ZBTB40: variants seen among roughly 807,000 people sequenced by gnomAD.
ZBTB40 encodes zinc finger and BTB domain containing 40.
Under a neutral mutation model 117.5 loss-of-function variants are expected in ZBTB40, and 60 were observed. The ratio of observed to expected loss-of-function variants is 0.51; its 90% CI spans 0.41 to 0.63. The LOEUF (loss-of-function observed/expected upper bound fraction) is 0.63. ZBTB40 is among the 30% of genes least tolerant of loss of function. The probability of loss-of-function intolerance (pLI) is 0.00; values close to 1 mark genes in which losing one functional copy is unlikely to be tolerated. For synonymous variants in ZBTB40, 525 were observed against 577.1 expected (o/e 0.91, Z 1.29); for missense variants, 1,287 against 1,498.5 (o/e 0.86, Z 2.33).
intron 1 of ZBTB40, among the ~76,000 whole-genome samples, chr1:22,453,675 G>A (rs575539160): frequency 1.3e-5 from 2 of 152,204 alleles, no homozygotes; most frequent in East Asian, 3.9e-4. Context: ...ACCATTTTAC[G>A]CATAGAGGAA....
chr1:22,490,647 T>C lies in ZBTB40; in HGVS notation c.697+2T>C. 6.2e-7 allele frequency: 1 copy of C among 1,612,592 alleles called. No individual in the cohort carries two copies. The highest frequency in any genetic ancestry group is 2.2e-5 in the East Asian group (1 of 44,884). On this transcript the variant is annotated splice_donor_variant, in intron 2 of 17. Coordinates refer to ENST00000375647, the MANE Select transcript of ZBTB40 (RefSeq NM_014870.4). LOFTEE classifies it high-confidence loss of function. ...CAAAGAAGACAAGCACAGAACCAGG[T>C]AACAGTCATTGTTTTATATTCCATC... is the stretch of plus-strand genomic sequence containing the variant.
At chr1:22,517,668 C>T (rs1481363709) in intron 13 of ZBTB40, 13 of 632,612 alleles carry the variant, frequency 2.1e-5, no homozygotes, top group Non-Finnish European at 3.1e-5. Flanking sequence ...GCTTATTTCT[C>T]TCTGGCCAGG....
In ZBTB40 at chr1:22,437,424, CT is replaced by C. The variant is rs755956667; in HGVS notation, c.-70+8424del. Among the ~76,000 whole-genome samples, 295 of 141,056 alleles carry C rather than the reference CT, an allele frequency of 2.1e-3. 3 individuals are homozygous for C. The highest frequency in any genetic ancestry group is 3.5e-3 in the Middle Eastern group (1 of 282). 92.5% of individuals were successfully genotyped at this position (141,056 alleles called of 152,430 possible). A position where few individuals can be genotyped will look rare whatever the true frequency, so the allele number is the denominator to read the frequency against. Reference sequence around the variant, plus strand: ...AAAATAATACCATAAAACTTATCATCTTTTTTTTTTTTTTGAGATGGAGTCT... The same window carrying C: ...AAAATAATACCATAAAACTTATCATCTTTTTTTTTTTTTGAGATGGAGTCT... On this transcript the variant is annotated intron_variant, in intron 1 of 8. Transcript: ENST00000650433.
chr1:22,460,037 A>G (rs1215372927), intron 1 of ZBTB40, among the ~76,000 whole-genome samples: 1 of 152,204 alleles, frequency 6.6e-6, no homozygotes, highest in East Asian at 1.9e-4. Context: ...AACATTTTGC[A>G]TGCGACTTCA....
chr1:22,501,781 A>G (rs983232319), intron 4 of ZBTB40, 97 bp downstream of exon 4: 2 of 1,358,396 alleles, frequency 1.5e-6, no homozygotes, highest in Non-Finnish European at 2.0e-6. Context: ...TGGCTTAGTT[A>G]TTAAGTGGTT....
At position 22,513,223 on chromosome 1, in the gene ZBTB40, A is replaced by G; in HGVS notation, c.2668+93A>G. 1 of 1,390,182 alleles carries G rather than the reference A, an allele frequency of 7.2e-7. No individual in the cohort carries two copies. Among genetic ancestry groups the G allele is most frequent in the South Asian group, 1.2e-5 (1 of 80,540 alleles). 86.1% of individuals were successfully genotyped at this position (1,390,182 alleles called of 1,614,324 possible). A position where few individuals can be genotyped will look rare whatever the true frequency, so the allele number is the denominator to read the frequency against. ...TAGGTGTGATATATATCTCAAAAAC[A>G]AAACAATTTGATAGCACAACAGGGT... On this transcript the variant is annotated intron_variant, in intron 12 of 17. Coordinates refer to ENST00000375647, the MANE Select transcript of ZBTB40 (RefSeq NM_014870.4). The surrounding 1 kb of genome is among the most constrained non-coding windows in gnomAD (Gnocchi z 4.9).
At position 22,530,760 on chromosome 1, in the gene ZBTB40, T is replaced by C. The variant is rs1408194389; in HGVS notation, c.*4364T>C. ...TGCTTTCTCTTTGGTTCTGGGCCAGTGTCAGACGGGGACAGGGGTGATAGG... is the reference window on the plus strand; with the variant it reads ...TGCTTTCTCTTTGGTTCTGGGCCAGCGTCAGACGGGGACAGGGGTGATAGG... On this transcript the variant is annotated 3_prime_UTR_variant, in exon 18 of 18. Coordinates refer to ENST00000375647, the MANE Select transcript of ZBTB40 (RefSeq NM_014870.4). 6.6e-6 allele frequency: 1 copy of C among 152,342 alleles called. No homozygotes were observed. The allele number at this position is 152,342 out of a possible 1,614,324, so 9.4% of individuals were successfully genotyped here.
intron 1 of ZBTB40, chr1:22,452,852 A>C: frequency 6.6e-6 from 1 of 152,328 alleles, no homozygotes; most frequent in Non-Finnish European, 1.5e-5. Flanking sequence ...CCTGCTTTGA[A>C]TAGCGTTGGT....
chr1:22,438,296 T>C (rs1272560161), intron 1 of ZBTB40, among the ~76,000 whole-genome samples: 1 of 152,178 alleles, frequency 6.6e-6, no homozygotes, highest in Non-Finnish European at 1.5e-5. Context: ...GTGATTGGCT[T>C]ATTTCACTTA....
At chr1:22,497,342 G>A (rs772113562) in intron 3 of ZBTB40, among the ~76,000 whole-genome samples, 2 of 152,126 alleles carry the variant, frequency 1.3e-5, no homozygotes, top group African/African-American at 2.4e-5. Context: ...GTTTTCAGCC[G>A]TGTCGCTGCT....
At chr1:22,434,203 G>A (rs983308578) in intron 1 of ZBTB40, among the ~76,000 whole-genome samples, 1 of 152,064 alleles carries the variant, frequency 6.6e-6, no homozygotes, top group African/African-American at 2.4e-5. Context: ...TGAATTAATC[G>A]AGCATCTTTT....
At position 22,517,462 on chromosome 1, in the gene ZBTB40, A is replaced by T; in HGVS notation, c.2831A>T (p.His944Leu). Residue 944 changes from histidine (H) to leucine (L), a missense_variant and splice_region_variant, in exon 13 of 18, where the codon CAC becomes CTC. His to Leu is a moderately conservative substitution (Grantham distance 99, BLOSUM62 -3). This residue lies in a region of ZBTB40 where 417 missense variants were observed against 564.1 expected (regional missense o/e 0.74). Transcript: ENST00000375647. ...CTCTCCATCCATCTGCACACCTTTCACAGTATGTAGAGACTGTGGATCTCA... is the reference window on the plus strand; with the variant it reads ...CTCTCCATCCATCTGCACACCTTTCTCAGTATGTAGAGACTGTGGATCTCA... ...NGLSIHLHTF[H>L]NIEDPYDCKK... 1.9e-6 allele frequency: 3 copies of T among 1,613,550 alleles called. No individual in the cohort carries two copies. Among genetic ancestry groups the T allele is most frequent in the Non-Finnish European group, 2.5e-6 (3 of 1,179,888 alleles).
chr1:22,477,087 A>G (rs1641566297), intron 1 of ZBTB40, among the ~76,000 whole-genome samples: 2 of 152,356 alleles, frequency 1.3e-5, no homozygotes, highest in South Asian at 4.1e-4. Flanking sequence ...TTTAGCCTGT[A>G]TAGTGTATTT....
rs149078610 is a variant in ZBTB40 at position 22,520,136 on chromosome 1, A to G, written c.2909A>G (p.His970Arg). The part of the protein sequence containing the change: ...PTLQDHRKHI[H>R]EVHSKEYHPC... ...CTTCAGGATCACCGGAAGCACATCCATGAGGTGCACTCCAAAGAGTACCAC... is the reference window on the plus strand; with the variant it reads ...CTTCAGGATCACCGGAAGCACATCCGTGAGGTGCACTCCAAAGAGTACCAC... Residue 970 changes from histidine (H) to arginine (R), a missense_variant, in exon 14 of 18, where the codon CAT (histidine) becomes CGT (arginine). His to Arg is a conservative substitution (Grantham distance 29). Transcript: ENST00000375647. 4.3e-6 allele frequency: 7 copies of G among 1,614,112 alleles called. No homozygotes were observed. Among genetic ancestry groups the G allele is most frequent in the Non-Finnish European group, 5.9e-6 (7 of 1,180,034 alleles).
intron 1 of ZBTB40, among the ~76,000 whole-genome samples, chr1:22,453,661 T>C (rs2124378972): frequency 6.6e-6 from 1 of 152,380 alleles, no homozygotes; most frequent in African/African-American, 2.4e-5. Flanking sequence ...GTAGTATTAA[T>C]ATTACCATTT....
chr1:22,524,493 A>C, intron 17 of ZBTB40, 49 bp downstream of exon 17: 1 of 1,587,258 alleles, frequency 6.3e-7, no homozygotes. Flanking sequence ...CATGGTTCCT[A>C]AGGCTTCTCT....
intron 1 of ZBTB40, among the ~76,000 whole-genome samples, chr1:22,458,889 C>T (rs1641067020): frequency 1.3e-5 from 2 of 152,154 alleles, no homozygotes. Context: ...CTGTGCCAGG[C>T]TGTCATTGGT....
chr1:22,491,321 G>C, intron 2 of ZBTB40, 79 bp from the exon 3 acceptor site: 1 of 1,477,860 alleles, frequency 6.8e-7, no homozygotes, highest in South Asian at 1.2e-5. Flanking sequence ...TGACCTGAAG[G>C]TGCTCAGACA....
chr1:22,521,012 TTA>T (rs1639509073), intron 14 of ZBTB40, among the ~76,000 whole-genome samples: 1 of 152,214 alleles, frequency 6.6e-6, no homozygotes, highest in African/African-American at 2.4e-5. Flanking sequence ...GGACTCTTGC[TTA>T]TGGGGCAAGG....
Sources: allele counts gnomAD v4.1 joint callset (sites outside exome capture counted in the v4.1 genomes callset), GRCh38; gene constraint gnomAD v4.1.1; regional missense constraint gnomAD v4.1.1; non-coding constraint Gnocchi (gnomAD v3.1); transcripts MANE v1.5; gene names NCBI Gene and HGNC (gene_info 2026-07-23, HGNC 2026-07-21).